The following ACSF2 variants were observed in gnomAD, a reference collection of about 807,000 sequenced individuals.
The protein encoded by ACSF2 is medium-chain acyl-CoA ligase ACSF2, mitochondrial.
Under a neutral mutation model 79.3 loss-of-function variants are expected in ACSF2, and 52 were observed. That is an observed-to-expected ratio of 0.66 (90% CI 0.53 to 0.83). ACSF2 has a LOEUF of 0.83. Ranked by LOEUF, ACSF2 falls within the 40% of genes least tolerant of loss-of-function variation. The probability of loss-of-function intolerance (pLI) is 0.00; values close to 1 mark genes in which losing one functional copy is unlikely to be tolerated. For synonymous variants in ACSF2, 283 were observed against 312.6 expected (o/e 0.91, Z 1.00); for missense variants, 661 against 803.3 (o/e 0.82, Z 2.14).
intron 12 of ACSF2, chr17:50,473,149 C>G (rs1307129554): frequency 1.3e-5 from 2 of 156,948 alleles, no homozygotes; most frequent in Non-Finnish European, 2.8e-5. Context: ...GTCCCAGCTA[C>G]TCGGAGGCTG....
chr17:50,439,008 T>C (rs1326160503), intron 1 of ACSF2, among the ~76,000 whole-genome samples: 6 of 152,202 alleles, frequency 3.9e-5, no homozygotes, highest in Non-Finnish European at 8.8e-5. Flanking sequence ...AATCATGTTA[T>C]GTGAGTAATA....
intron 1 of ACSF2, 151 bp downstream of exon 1, chr17:50,426,540 A>G: frequency 9.2e-7 from 1 of 1,085,368 alleles, no homozygotes; most frequent in Non-Finnish European, 1.2e-6. Context: ...GCACCTAGGC[A>G]ATAGGAAAAG....
chr17:50,465,933 G>T, intron 10 of ACSF2: 2 of 1,584,208 alleles, frequency 1.3e-6, no homozygotes, highest in Admixed American at 3.3e-5. Context: ...GTAAGCACCC[G>T]AGTGCCAGAG....
Position 50,473,668 on chromosome 17 carries a change from T to C in ACSF2, c.1479T>C (p.Asp493=), listed in dbSNP as rs756017866. Residue 493 remains aspartate (D), a synonymous_variant, in exon 13 of 16, where the codon GAT becomes GAC. Coordinates refer to ENST00000300441, the MANE Select transcript of ACSF2 (RefSeq NM_025149.6). ...VDQDKWYWTG[D]VATMNEQGFC... ...TGCCCCTGGGCTTTCCTTACAGAGATGTCGCCACAATGAATGAGCAGGGCT... is the reference window on the plus strand; with the variant it reads ...TGCCCCTGGGCTTTCCTTACAGAGACGTCGCCACAATGAATGAGCAGGGCT... 1 of 1,614,186 alleles carries C rather than the reference T, an allele frequency of 6.2e-7. No homozygotes were observed. Among genetic ancestry groups the C allele is most frequent in the South Asian group, 1.1e-5 (1 of 91,084 alleles).
At position 50,443,055 on chromosome 17, in the gene ACSF2, G is replaced by T. The variant is rs374845810; in HGVS notation, c.128+16666G>T. Among the ~76,000 whole-genome samples, 6 of 152,096 alleles carry T rather than the reference G, an allele frequency of 3.9e-5. No individual in the cohort carries two copies. The East Asian group carries it at 7.7e-4, about 20-fold the overall frequency. ...CTCCCGAATAGCTGGGACTATGGGT[G>T]CACGCCACCATGCCCGGCTAATTTT... On this transcript the variant is annotated intron_variant, in intron 1 of 15. Coordinates refer to ENST00000300441, the MANE Select transcript of ACSF2 (RefSeq NM_025149.6).
At chr17:50,464,696 A>C in intron 10 of ACSF2, 1 of 440,026 alleles carries the variant, frequency 2.3e-6, no homozygotes, top group Non-Finnish European at 4.5e-6. Context: ...TGGCAGGGAA[A>C]GAGGAACAGA....
chr17:50,451,563 C>T (rs1197742401), intron 1 of ACSF2, among the ~76,000 whole-genome samples: 1 of 152,190 alleles, frequency 6.6e-6, no homozygotes, highest in African/African-American at 2.4e-5. Flanking sequence ...GATTCTCCTG[C>T]CTCAGCCTCC....
intron 10 of ACSF2, chr17:50,468,226 G>A: frequency 6.2e-7 from 1 of 1,612,790 alleles, no homozygotes; most frequent in Non-Finnish European, 8.5e-7. Flanking sequence ...ATTTGGCGAG[G>A]TTCTCCACGT....
chr17:50,456,902 A>C (rs2032046254), intron 1 of ACSF2, among the ~76,000 whole-genome samples: 2 of 151,874 alleles, frequency 1.3e-5, no homozygotes, highest in South Asian at 4.2e-4. Context: ...TCTACCAAAA[A>C]ATAAAAATAA....
chr17:50,449,608 A>G (rs1384057797), intron 1 of ACSF2, among the ~76,000 whole-genome samples: 2 of 146,764 alleles, frequency 1.4e-5, no homozygotes, highest in East Asian at 2.0e-4. Flanking sequence ...TAGAAACGGG[A>G]TTTCACTGTG....
chr17:50,446,736 C>T (rs889540257), intron 1 of ACSF2, among the ~76,000 whole-genome samples: 2 of 152,180 alleles, frequency 1.3e-5, no homozygotes, highest in African/African-American at 4.8e-5. Context: ...CTATTTTGTA[C>T]GTATAAATGG....
rs1488462886 is a variant in ACSF2, at chr17:50,471,206, C to A, written c.1323+71C>A. The A allele has an allele frequency of 3.0e-6, 4 of 1,335,282 alleles. No homozygotes were observed. The highest frequency in any genetic ancestry group is 3.2e-6 in the Non-Finnish European group (3 of 932,094). 82.7% of individuals were successfully genotyped at this position (1,335,282 alleles called of 1,614,324 possible). Reference sequence around the variant, plus strand: ...GCTGGGGTGCACCCAGCTGGGACATCGGTTGCTTTCAGTGAGAGAGTCAAA... The same window carrying A: ...GCTGGGGTGCACCCAGCTGGGACATAGGTTGCTTTCAGTGAGAGAGTCAAA... On this transcript the variant is annotated intron_variant, in intron 11 of 15. Coordinates refer to ENST00000300441, the MANE Select transcript of ACSF2 (RefSeq NM_025149.6). This position sits in a 1 kb window ranked among gnomAD's most constrained non-coding sequence, Gnocchi z 4.1.
At chr17:50,459,354 CT>C (rs1471519029) in intron 1 of ACSF2, among the ~76,000 whole-genome samples, 1 of 152,242 alleles carries the variant, frequency 6.6e-6, no homozygotes. Context: ...GATCCTCCCC[CT>C]TCAACCTCCG....
intron 1 of ACSF2, among the ~76,000 whole-genome samples, chr17:50,442,166 G>A (rs1284645909): frequency 5.3e-5 from 8 of 151,958 alleles, no homozygotes; most frequent in South Asian, 2.1e-4. Context: ...TTAGCCAGGC[G>A]TGGTGGTGCA....
At chr17:50,435,163 C>A (rs139579234) in intron 1 of ACSF2, among the ~76,000 whole-genome samples, 56 of 152,326 alleles carry the variant, frequency 3.7e-4, no homozygotes, top group African/African-American at 1.3e-3. Context: ...AGCCACCGTG[C>A]CTGGCCTGTG....
Position 50,474,206 on chromosome 17 carries a change from A to G in ACSF2, c.1736A>G (p.His579Arg). 1.9e-6 allele frequency: 3 copies of G among 1,614,062 alleles called. No homozygotes were observed. The highest frequency in any genetic ancestry group is 2.5e-6 in the Non-Finnish European group (3 of 1,180,006). ...CCTCCCTCTGGTCTGCAGATCTCTCACTTCAAGATTCCGAAGTACATCGTG... is the reference window on the plus strand; with the variant it reads ...CCTCCCTCTGGTCTGCAGATCTCTCGCTTCAAGATTCCGAAGTACATCGTG... ...IKAFCKGKIS[H>R]FKIPKYIVFV... The change falls in exon 15 of 16, where the codon CAC (histidine) becomes CGC (arginine). Residue 579 changes from histidine to arginine, a missense_variant. Coordinates refer to ENST00000300441, the MANE Select transcript of ACSF2 (RefSeq NM_025149.6). This position sits in a 1 kb window ranked among gnomAD's most constrained non-coding sequence, Gnocchi z 4.2.
At chr17:50,468,010 C>T (rs1160687194) in intron 10 of ACSF2, 3 of 1,537,088 alleles carry the variant, frequency 2.0e-6, no homozygotes, top group Admixed American at 4.0e-5. Flanking sequence ...GAAGAAGGAA[C>T]CAGGGCAGAG....
At chr17:50,456,503 C>G (rs1252150056) in intron 1 of ACSF2, among the ~76,000 whole-genome samples, 1 of 150,724 alleles carries the variant, frequency 6.6e-6, no homozygotes, top group Non-Finnish European at 1.5e-5. Context: ...GAGGCCGAGG[C>G]GGGCGGATCA....
intron 1 of ACSF2, among the ~76,000 whole-genome samples, chr17:50,448,693 C>G (rs1009239783): frequency 6.6e-6 from 1 of 152,144 alleles, no homozygotes; most frequent in African/African-American, 2.4e-5. Context: ...TCCTCGGCTA[C>G]AAGGATCAAA....
Sources: gnomAD v4.1 joint callset for allele counts (sites outside exome capture counted in the v4.1 genomes callset) on GRCh38, gnomAD v4.1.1 for gene constraint, Gnocchi (gnomAD v3.1) non-coding constraint, MANE v1.5 for transcripts, NCBI Gene and HGNC (gene_info 2026-07-23, HGNC 2026-07-21) for gene names.